The following TMEM268 variants were observed in gnomAD, a reference collection of about 807,000 sequenced individuals.
The protein encoded by TMEM268 is transmembrane protein 268.
In TMEM268, 24 loss-of-function variants were observed where a neutral mutation model predicts 39.1. The ratio of observed to expected loss-of-function variants is 0.61; its 90% CI spans 0.44 to 0.86. The LOEUF is 0.86. Among genes scored for constraint, TMEM268 ranks in the 40% least tolerant of loss-of-function variants. The probability of loss-of-function intolerance (pLI) is 0.00; values close to 1 mark genes in which losing one functional copy is unlikely to be tolerated. For missense variants in TMEM268, 409 were observed against 428.6 expected (o/e 0.95, Z 0.40); for synonymous variants, 176 against 173.5 (o/e 1.01, Z -0.12).
chr9:114,637,357 A>G (rs958800588), intron 7 of TMEM268, among the ~76,000 whole-genome samples: 4 of 143,786 alleles, frequency 2.8e-5, no homozygotes, highest in Non-Finnish European at 6.0e-5. Context: ...CAGTAGAGTG[A>G]TCTCTGCTCA....
intron 5 of TMEM268, among the ~76,000 whole-genome samples, chr9:114,631,282 C>CAAAAAAAAAAAAAA (rs3035421): frequency 3.1e-5 from 4 of 130,182 alleles, no homozygotes; most frequent in South Asian, 2.7e-4. Context: ...CAGCCTGCCT[C>CAAAAAAAAAAAAAA]AAAAAAAAAA....
chr9:114,604,098 C>T, the TMEM268 span, among the ~76,000 whole-genome samples: 1 of 151,852 alleles, frequency 6.6e-6, no homozygotes, highest in African/African-American at 2.4e-5. Context: ...AAGATTCAAA[C>T]TTGCAATCCG....
At chr9:114,604,700 G>C in the TMEM268 span, among the ~76,000 whole-genome samples, 1 of 152,098 alleles carries the variant, frequency 6.6e-6, no homozygotes, top group African/African-American at 2.4e-5. Flanking sequence ...CTGAATGGGG[G>C]AGAGGAGAGG....
At chr9:114,633,677 G>A (rs1846502310) in intron 5 of TMEM268, 91 bp from the exon 6 acceptor site, 1 of 607,332 alleles carries the variant, frequency 1.6e-6, no homozygotes. Context: ...CTTGGCATCT[G>A]GGGGTGGGAT....
intron 1 of TMEM268, among the ~76,000 whole-genome samples, chr9:114,614,729 G>A (rs1042862728): frequency 6.6e-6 from 1 of 152,150 alleles, no homozygotes; most frequent in Non-Finnish European, 1.5e-5. Context: ...CAGGGCTGGT[G>A]TGTCATCCCA....
intron 5 of TMEM268, among the ~76,000 whole-genome samples, chr9:114,631,138 A>T (rs938004375): frequency 6.6e-6 from 1 of 151,844 alleles, no homozygotes; most frequent in Non-Finnish European, 1.5e-5. Context: ...ACATTGTGAG[A>T]CTCTGTCTCT....
upstream of TMEM268, among the ~76,000 whole-genome samples, chr9:114,609,270 C>T (rs1421278906): frequency 1.3e-5 from 2 of 151,750 alleles, no homozygotes; most frequent in Non-Finnish European, 2.9e-5. Context: ...AAGATCACAC[C>T]ACTGCACTCC....
chr9:114,609,956 C>T (rs1280962750), upstream of TMEM268, among the ~76,000 whole-genome samples: 2 of 152,124 alleles, frequency 1.3e-5, no homozygotes. Flanking sequence ...GGCTGGAAAT[C>T]ACCTTCATGT....
At chr9:114,637,186 G>A (rs966786045) in intron 7 of TMEM268, 116 bp downstream of exon 7, 7 of 625,300 alleles carry the variant, frequency 1.1e-5, no homozygotes, top group East Asian at 5.5e-5. Flanking sequence ...GAATACCTAC[G>A]AGCAATCAGT....
At chr9:114,641,209 G>A (rs529318053) in intron 8 of TMEM268, among the ~76,000 whole-genome samples, 1 of 152,246 alleles carries the variant, frequency 6.6e-6, no homozygotes, top group East Asian at 1.9e-4. Context: ...CTGTAACTTA[G>A]AGGGGTCAGT....
the TMEM268 span, among the ~76,000 whole-genome samples, chr9:114,604,722 A>G: frequency 3.4e-3 from 513 of 150,182 alleles, 3 homozygotes; most frequent in African/African-American, 0.012. Flanking sequence ...AAACTTGTAG[A>G]AAAAAAAAAG....
chr9:114,638,964 G>A (rs193062033), intron 8 of TMEM268, among the ~76,000 whole-genome samples: 4 of 152,198 alleles, frequency 2.6e-5, no homozygotes, highest in Non-Finnish European at 4.4e-5. Flanking sequence ...TAATATCTTG[G>A]ATATTCTTTT....
rs1364623062 is a variant in TMEM268 at position 114,638,729 on chromosome 9, A to G, written c.849+3A>G. ...TTGTTCCTGAGGCTGAGCCGGAGGTAACAGGCACTGGGGCTTGTTGGGGCC... is the reference window on the plus strand; with the variant it reads ...TTGTTCCTGAGGCTGAGCCGGAGGTGACAGGCACTGGGGCTTGTTGGGGCC... On this transcript the variant is annotated splice_donor_region_variant and intron_variant, in intron 8 of 8. Transcript: ENST00000288502. 1.9e-6 allele frequency: 3 copies of G among 1,565,638 alleles called. No homozygotes were observed. The highest frequency in any genetic ancestry group is 2.6e-6 in the Non-Finnish European group (3 of 1,155,468).
chr9:114,611,945 G>GA (rs1845516235), intron 1 of TMEM268, among the ~76,000 whole-genome samples: 1 of 152,254 alleles, frequency 6.6e-6, no homozygotes, highest in East Asian at 1.9e-4. Flanking sequence ...CAGCTGGCGT[G>GA]AAGGAGCCTG....
chr9:114,629,785 G>A (rs1466529854), intron 5 of TMEM268, among the ~76,000 whole-genome samples: 1 of 152,182 alleles, frequency 6.6e-6, no homozygotes, highest in Non-Finnish European at 1.5e-5. Flanking sequence ...ATCAGCATTT[G>A]GGGTGTGAAT....
chr9:114,616,847 T>G (rs1031249002), intron 1 of TMEM268, among the ~76,000 whole-genome samples: 1 of 152,140 alleles, frequency 6.6e-6, no homozygotes. Flanking sequence ...GCTCTTGAGT[T>G]CCCTGTGGGC....
chr9:114,620,752 A>G (rs1268255655), intron 2 of TMEM268, among the ~76,000 whole-genome samples: 1 of 152,170 alleles, frequency 6.6e-6, no homozygotes, highest in East Asian at 1.9e-4. Flanking sequence ...TTATTTGTAA[A>G]GTCCTTTGCA....
chr9:114,624,082 C>A, intron 2 of TMEM268: 1 of 338,962 alleles, frequency 3.0e-6, no homozygotes, highest in Non-Finnish European at 4.8e-6. Context: ...TTTATGGGGA[C>A]AGCTTTTGCT....
At chr9:114,640,028 G>A (rs994522901) in intron 8 of TMEM268, among the ~76,000 whole-genome samples, 1 of 150,808 alleles carries the variant, frequency 6.6e-6, no homozygotes, top group Admixed American at 6.6e-5. Flanking sequence ...AGGATCACAG[G>A]TGTGAGCACT....
Sources: gnomAD v4.1 joint callset for allele counts (sites outside exome capture counted in the v4.1 genomes callset) on GRCh38, gnomAD v4.1.1 for gene constraint, MANE v1.5 for transcripts, NCBI Gene and HGNC (gene_info 2026-07-23, HGNC 2026-07-21) for gene names.